The following RBM26 variants were observed in gnomAD, a reference collection of about 807,000 sequenced individuals.
RBM26 encodes the protein RNA binding motif protein 26, also known as RNA-binding protein 26.
In RBM26, 30 loss-of-function variants were observed where a neutral mutation model predicts 123.6. The observed-to-expected ratio is 0.24, with a 90% confidence interval of 0.18 to 0.33. RBM26 has a LOEUF of 0.33. Ranked by LOEUF, RBM26 falls within the 10% of genes least tolerant of loss-of-function variation. The pLI is 1.00. For synonymous variants in RBM26, 400 were observed against 404.4 expected (o/e 0.99, Z 0.13); for missense variants, 947 against 1,203.6 (o/e 0.79, Z 3.15).
At chr13:79,333,810 C>T (rs2069834059) in intron 20 of RBM26, among the ~76,000 whole-genome samples, 1 of 151,984 alleles carries the variant, frequency 6.6e-6, no homozygotes, top group Non-Finnish European at 1.5e-5. Flanking sequence ...CTAAGAGTAC[C>T]CTCAAAGTTA....
intron 7 of RBM26, 71 bp downstream of exon 7, chr13:79,366,562 G>C: frequency 7.1e-7 from 1 of 1,410,616 alleles, no homozygotes; most frequent in Non-Finnish European, 9.5e-7. Flanking sequence ...TTTAATTTAA[G>C]AATCTATTAA....
intron 20 of RBM26, among the ~76,000 whole-genome samples, chr13:79,325,151 T>C (rs1207586790): frequency 2.0e-5 from 3 of 152,172 alleles, no homozygotes; most frequent in South Asian, 2.1e-4. Flanking sequence ...CGCACAATTA[T>C]GTACAGCATA....
chr13:79,314,977 A>G (rs775686519), downstream of RBM26: 3 of 1,301,638 alleles, frequency 2.3e-6, no homozygotes, highest in South Asian at 2.5e-5. Context: ...AATTCAGGCA[A>G]TGATGATCTC....
intron 1 of RBM26, among the ~76,000 whole-genome samples, chr13:79,381,821 A>T (rs531312052): frequency 1.1e-4 from 17 of 152,104 alleles, no homozygotes; most frequent in Non-Finnish European, 2.2e-4. Context: ...ACGATTAGCC[A>T]CAACAAATAT....
At chr13:79,404,633 A>T (rs1487635255) in intron 1 of RBM26, among the ~76,000 whole-genome samples, 1 of 152,164 alleles carries the variant, frequency 6.6e-6, no homozygotes, top group Non-Finnish European at 1.5e-5. Flanking sequence ...CTTCTGCTAC[A>T]GGGCCTTTCA....
At chr13:79,335,556 G>A (rs2070208925) in intron 19 of RBM26, among the ~76,000 whole-genome samples, 1 of 151,680 alleles carries the variant, frequency 6.6e-6, no homozygotes, top group Non-Finnish European at 1.5e-5. Context: ...TTTTTCCTCT[G>A]ACATCCATCA....
chr13:79,347,235 GACTC>G (rs10566238), intron 14 of RBM26, among the ~76,000 whole-genome samples: 76,358 of 151,520 alleles, frequency 0.5, 19,583 homozygotes, highest in Middle Eastern at 0.59. Flanking sequence ...CCACGAATGT[GACTC>G]ACTAAGGCTA....
intron 3 of RBM26, among the ~76,000 whole-genome samples, chr13:79,375,862 AG>A (rs2076628441): frequency 2.0e-5 from 3 of 152,148 alleles, no homozygotes; most frequent in Admixed American, 2.0e-4. Flanking sequence ...GGAGAAAAAA[AG>A]GTCACAACAT....
At chr13:79,361,142 G>A (rs1022047451) in intron 9 of RBM26, among the ~76,000 whole-genome samples, 5 of 152,020 alleles carry the variant, frequency 3.3e-5, no homozygotes, top group African/African-American at 1.2e-4. Context: ...TTCATATTAA[G>A]TCTATCTTTT....
intron 20 of RBM26, among the ~76,000 whole-genome samples, chr13:79,333,864 T>A (rs1469313546): frequency 6.6e-6 from 1 of 152,094 alleles, no homozygotes; most frequent in African/African-American, 2.4e-5. Context: ...AGAAGTCTAG[T>A]TGGGGCTATG....
chr13:79,348,248 T>C (rs529248205), intron 14 of RBM26, among the ~76,000 whole-genome samples: 1 of 152,238 alleles, frequency 6.6e-6, no homozygotes, highest in East Asian at 1.9e-4. Flanking sequence ...TCAGGTTTGG[T>C]ATGCTGAACT....
chr13:79,318,082 T>C (rs1274359225), downstream of RBM26, among the ~76,000 whole-genome samples: 2 of 151,490 alleles, frequency 1.3e-5, no homozygotes, highest in Non-Finnish European at 3.0e-5. Context: ...AACAGAGATA[T>C]GAACAAAGTG....
chr13:79,359,141 C>G (rs1025787664), intron 10 of RBM26, among the ~76,000 whole-genome samples: 1 of 152,100 alleles, frequency 6.6e-6, no homozygotes, highest in Non-Finnish European at 1.5e-5. Context: ...CTTTCTTGAC[C>G]ATTCAATGCC....
intron 12 of RBM26, among the ~76,000 whole-genome samples, chr13:79,354,889 G>C (rs1357072820): frequency 2.0e-5 from 3 of 152,164 alleles, no homozygotes; most frequent in East Asian, 1.9e-4. Context: ...GAGGGAGAAA[G>C]GGGAGAGGGG....
chr13:79,369,103 G>A (rs549144889), intron 5 of RBM26, 113 bp from the exon 6 acceptor site: 103 of 591,310 alleles, frequency 1.7e-4, no homozygotes, highest in Admixed American at 2.7e-4. Flanking sequence ...TTTAAATTTT[G>A]CATAATAATC....
At chr13:79,394,765 C>G (rs1469668344) in intron 1 of RBM26, among the ~76,000 whole-genome samples, 1 of 152,190 alleles carries the variant, frequency 6.6e-6, no homozygotes, top group African/African-American at 2.4e-5. Flanking sequence ...TCCTGAGTAG[C>G]TGGGATTACA....
intron 14 of RBM26, among the ~76,000 whole-genome samples, chr13:79,350,266 C>T (rs2139382489): frequency 6.6e-6 from 1 of 152,228 alleles, no homozygotes; most frequent in South Asian, 2.1e-4. Context: ...CATCCTGTAT[C>T]ATAAATCTGA....
At chr13:79,357,934 G>C (rs1368970303) in intron 11 of RBM26, among the ~76,000 whole-genome samples, 1 of 147,774 alleles carries the variant, frequency 6.8e-6, no homozygotes, top group Non-Finnish European at 1.5e-5. Context: ...CCAGGCTGGA[G>C]TGCAGTGGCG....
chr13:79,376,140 G>A (rs2076648773), intron 3 of RBM26: 1 of 151,876 alleles, frequency 6.6e-6, no homozygotes, highest in African/African-American at 2.4e-5. Flanking sequence ...CTAAAGCTAG[G>A]GCTAAATGCA....
Sources: gnomAD v4.1 joint callset for allele counts (sites outside exome capture counted in the v4.1 genomes callset) on GRCh38, gnomAD v4.1.1 for gene constraint, MANE v1.5 for transcripts, NCBI Gene and HGNC (gene_info 2026-07-23, HGNC 2026-07-21) for gene names.